SENP2: variants seen among roughly 807,000 people sequenced by gnomAD.
SENP2 encodes the protein SUMO specific peptidase 2, also known as sentrin-specific protease 2.
A neutral mutation model predicts 86.3 loss-of-function variants in SENP2; 16 were observed. That is an observed-to-expected ratio of 0.19 (90% CI 0.13 to 0.28). The LOEUF (loss-of-function observed/expected upper bound fraction) is 0.28. SENP2 is among the 10% of genes least tolerant of loss of function. SENP2 has a pLI of 1.00. For missense variants in SENP2, 552 were observed against 703.0 expected, an observed-to-expected ratio of 0.79 and a Z score of 2.43; for synonymous variants, 222 against 238.7, an observed-to-expected ratio of 0.93 and a Z score of 0.64.
chr3:185,599,553 G>A (rs1312516767), intron 4 of SENP2, among the ~76,000 whole-genome samples: 4 of 152,098 alleles, frequency 2.6e-5, no homozygotes, highest in Admixed American at 6.6e-5. Flanking sequence ...AGAATCCTGC[G>A]AAATAGTTGT....
At chr3:185,611,829 C>T in intron 8 of SENP2, 84 bp downstream of exon 8, 2 of 999,768 alleles carry the variant, frequency 2.0e-6, no homozygotes, top group East Asian at 5.3e-5. Context: ...AATTGACATT[C>T]AAGTGTAGAT....
chr3:185,621,933 C>A (rs749302668), intron 14 of SENP2, 28 bp downstream of exon 14: 6 of 1,457,996 alleles, frequency 4.1e-6, no homozygotes, highest in African/African-American at 1.4e-5. Flanking sequence ...ACCTCACTAC[C>A]CCCTGTTGAG....
chr3:185,603,132 G>C (rs1577725593), intron 5 of SENP2, among the ~76,000 whole-genome samples: 1 of 151,474 alleles, frequency 6.6e-6, no homozygotes, highest in African/African-American at 2.4e-5. Flanking sequence ...GGCTGGTCTC[G>C]AACTCCTGAC....
chr3:185,609,606 A>C (rs1472848698), intron 7 of SENP2, among the ~76,000 whole-genome samples: 1 of 152,018 alleles, frequency 6.6e-6, no homozygotes, highest in African/African-American at 2.4e-5. Context: ...AAAGTGGATC[A>C]CTGGTTGAAG....
rs1333495375 is a variant in SENP2, at chr3:185,629,791, C to T, written c.1717C>T (p.Pro573Ser). 5.0e-6 allele frequency: 8 copies of T among 1,614,054 alleles called. No homozygotes were observed. The highest frequency in any genetic ancestry group is 6.8e-6 in the Non-Finnish European group (8 of 1,180,030). The part of the protein sequence containing the change: ...KPITFTQHQM[P>S]LFRKKMVWEI... ...ATGGGGTTCTTTGCAGCACCAGATG[C>T]CTCTCTTCCGGAAGAAGATGGTGTG... Residue 573 changes from proline to serine, a missense_variant, in exon 17 of 17, where the codon CCT becomes TCT. Coordinates refer to ENST00000296257, the MANE Select transcript of SENP2 (RefSeq NM_021627.3).
chr3:185,617,367 C>T, intron 11 of SENP2, 113 bp from the exon 12 acceptor site: 1 of 737,948 alleles, frequency 1.4e-6, no homozygotes. Flanking sequence ...GTATATTTTT[C>T]TCAAGAGTCA....
chr3:185,615,406 C>T (rs56856415), intron 11 of SENP2, among the ~76,000 whole-genome samples: 13,008 of 152,166 alleles, frequency 0.085, 869 homozygotes, highest in South Asian at 0.34. Flanking sequence ...TGCAATGGCG[C>T]GATCTTGGCT....
rs1184584982 is a variant in SENP2, at chr3:185,631,240, C to G, written c.*1396C>G. 6.6e-6 allele frequency: 1 copy of G among 152,040 alleles called. No homozygotes were observed. The highest frequency in any genetic ancestry group is 1.5e-5 in the Non-Finnish European group (1 of 68,020). 9.4% of individuals were successfully genotyped at this position (152,040 alleles called of 1,614,324 possible). On this transcript the variant is annotated 3_prime_UTR_variant, in exon 17 of 17. Coordinates refer to ENST00000296257, the MANE Select transcript of SENP2 (RefSeq NM_021627.3). ...CTACACGCCTGCCATTTGCAGTGCT[C>G]CGGCTGCTGGTCCCAGAGGTATACT...
At chr3:185,618,010 T>A (rs1268221808) in intron 12 of SENP2, among the ~76,000 whole-genome samples, 1 of 152,226 alleles carries the variant, frequency 6.6e-6, no homozygotes, top group Non-Finnish European at 1.5e-5. Flanking sequence ...AATGGCGCAA[T>A]CTTGGCTCAG....
At chr3:185,596,122 C>G (rs906100344) in intron 2 of SENP2, among the ~76,000 whole-genome samples, 1 of 152,000 alleles carries the variant, frequency 6.6e-6, no homozygotes, top group Admixed American at 6.6e-5. Flanking sequence ...TGTGCCATGA[C>G]GCCCAGCTAA....
At chr3:185,591,024 C>A (rs1721977870) in intron 2 of SENP2, among the ~76,000 whole-genome samples, 1 of 144,980 alleles carries the variant, frequency 6.9e-6, no homozygotes, top group Non-Finnish European at 1.5e-5. Flanking sequence ...CCTGCCTCAG[C>A]CTCCCGAGTA....
At position 185,599,055 on chromosome 3, in the gene SENP2, G is replaced by A. The variant is rs534807206; in HGVS notation, c.358+31G>A. On this transcript the variant is annotated intron_variant, in intron 4 of 16. Coordinates refer to ENST00000296257, the MANE Select transcript of SENP2 (RefSeq NM_021627.3). ...GTGGTCAAAAATATTTCTGTTTCCC[G>A]CTACCTCCTTCTGCCCATTTTTTTC... The A allele has an allele frequency of 2.9e-5, 44 of 1,540,342 alleles. 1 individual carries two copies. The highest frequency in any genetic ancestry group is 4.6e-5 in the South Asian group (4 of 87,050).
rs1489462105 is a variant in SENP2, at chr3:185,619,367, A to G, written c.1311A>G (p.Val437=). The part of the protein sequence containing the change: ...NKKQGYPALH[V]FSTFFYPKLK... Reference sequence around the variant, plus strand: ...AGCAAGGCTATCCAGCACTTCATGTATTCAGTACTTTCTTCTATCCTAAAT... The same window carrying G: ...AGCAAGGCTATCCAGCACTTCATGTGTTCAGTACTTTCTTCTATCCTAAAT... Residue 437 remains valine (V), a synonymous_variant, in exon 13 of 17, where the codon GTA becomes GTG. Transcript: ENST00000296257. 6.2e-7 allele frequency: 1 copy of G among 1,613,900 alleles called. No homozygotes were observed. Among genetic ancestry groups the G allele is most frequent in the Admixed American group, 1.7e-5 (1 of 59,996 alleles).
chr3:185,618,414 G>A (rs945066934), intron 12 of SENP2, among the ~76,000 whole-genome samples: 2 of 152,018 alleles, frequency 1.3e-5, no homozygotes, highest in Non-Finnish European at 2.9e-5. Flanking sequence ...GTTCTTCCCC[G>A]AACTGCTTAG....
chr3:185,618,606 C>T (rs547021147), intron 12 of SENP2, among the ~76,000 whole-genome samples: 1 of 152,268 alleles, frequency 6.6e-6, no homozygotes, highest in South Asian at 2.1e-4. Context: ...CGGCCGGGCG[C>T]GGTGGCTCAC....
intron 6 of SENP2, chr3:185,609,025 G>C (rs1577730421): frequency 2.6e-6 from 1 of 383,644 alleles, no homozygotes; most frequent in East Asian, 4.2e-5. Context: ...GGGCTGGAGA[G>C]CAGTGGCCCA....
Position 185,586,630 on chromosome 3 carries a change from C to G in SENP2, c.101+116C>G. ...TCACCCGAAACAGGTCGCCGGGATC[C>G]TAGTGACGTAGTCGCTCCCGCCAGG... On this transcript the variant is annotated intron_variant, in intron 1 of 16. Coordinates refer to ENST00000296257, the MANE Select transcript of SENP2 (RefSeq NM_021627.3). The surrounding 1 kb of genome is among the most constrained non-coding windows in gnomAD (Gnocchi z 4.3). The G allele has an allele frequency of 1.0e-6, 1 of 954,956 alleles. No individual in the cohort carries two copies. The highest frequency in any genetic ancestry group is 1.6e-6 in the Non-Finnish European group (1 of 626,194). The allele number at this position is 954,956 out of a possible 1,614,324, so 59.2% of individuals were successfully genotyped here.
intron 7 of SENP2, among the ~76,000 whole-genome samples, chr3:185,610,072 C>A (rs1393912255): frequency 6.6e-6 from 1 of 150,380 alleles, no homozygotes; most frequent in Non-Finnish European, 1.5e-5. Context: ...GTAATTCTAA[C>A]AAGTGGTGTG....
chr3:185,612,519 ATGT>A (rs1228694672), intron 8 of SENP2, 85 bp from the exon 9 acceptor site: 3 of 360,528 alleles, frequency 8.3e-6, no homozygotes, highest in Non-Finnish European at 8.5e-6. Context: ...GAATGTCTTG[ATGT>A]TGTGGAAACT....
Sources: gnomAD v4.1 joint callset for allele counts (sites outside exome capture counted in the v4.1 genomes callset) on GRCh38, gnomAD v4.1.1 for gene constraint, Gnocchi (gnomAD v3.1) non-coding constraint, MANE v1.5 for transcripts, NCBI Gene and HGNC (gene_info 2026-07-23, HGNC 2026-07-21) for gene names.